The following MAGI1 variants were observed in gnomAD, a reference collection of about 807,000 sequenced individuals.
The protein encoded by MAGI1 is membrane-associated guanylate kinase, WW and PDZ domain-containing protein 1.
In MAGI1, 58 loss-of-function variants were observed where a neutral mutation model predicts 139.9. The observed-to-expected ratio is 0.41, with a 90% CI of 0.34 to 0.52. The LOEUF (loss-of-function observed/expected upper bound fraction) is 0.52, where lower values mean the gene tolerates loss of function less well. Among genes scored for constraint, MAGI1 ranks in the 20% least tolerant of loss-of-function variants. The pLI is 0.12. For synonymous variants in MAGI1, 812 were observed against 737.9 expected, an observed-to-expected ratio of 1.10 and a Z score of -1.63; for missense variants, 1,874 against 1,901.6, an observed-to-expected ratio of 0.99 and a Z score of 0.27.
chr3:65,468,987 A>AAATAAATG (rs1417371368), intron 5 of MAGI1, among the ~76,000 whole-genome samples: 1 of 151,292 alleles, frequency 6.6e-6, no homozygotes, highest in Non-Finnish European at 1.5e-5. Flanking sequence ...ATAAATAAAT[A>AAATAAATG]AATGTGTGTA....
chr3:65,683,384 C>G (rs926843136), intron 1 of MAGI1, among the ~76,000 whole-genome samples: 9 of 151,606 alleles, frequency 5.9e-5, no homozygotes, highest in Admixed American at 4.6e-4. Flanking sequence ...AGGCTGTGCA[C>G]GTACAGGGGT....
At chr3:65,808,103 C>T (rs558955995) in intron 1 of MAGI1, among the ~76,000 whole-genome samples, 2 of 151,968 alleles carry the variant, frequency 1.3e-5, no homozygotes, top group South Asian at 2.1e-4. Flanking sequence ...CTCCAGCCTC[C>T]GCCTCCCGAG....
At chr3:65,594,791 TG>T (rs774754876) in intron 2 of MAGI1, among the ~76,000 whole-genome samples, 2 of 152,258 alleles carry the variant, frequency 1.3e-5, no homozygotes, top group African/African-American at 2.4e-5. Flanking sequence ...AGTATTCTGA[TG>T]GGGGGGTGTC....
Position 65,430,140 on chromosome 3 carries a change from C to T in MAGI1, c.1547G>A (p.Gly516Glu). Reference protein sequence around the residue: ...PAALDGKMETGDVIVSVNDTC... With the variant: ...PAALDGKMETEDVIVSVNDTC... Reference sequence around the variant, plus strand: ...GTCATTCACACTTACAATCACATCCCCTGTAGAAGGCAAGAGTGTGGGGGT... The same window carrying T: ...GTCATTCACACTTACAATCACATCCTCTGTAGAAGGCAAGAGTGTGGGGGT... The change falls in exon 12 of 23, where the codon GGG becomes GAG. Residue 516 changes from glycine to glutamate, a missense_variant and splice_region_variant. Coordinates refer to ENST00000402939, the MANE Select transcript of MAGI1 (RefSeq NM_001033057.2). 1 of 1,610,602 alleles carries T rather than the reference C, an allele frequency of 6.2e-7. No individual in the cohort carries two copies. Among genetic ancestry groups the T allele is most frequent in the Non-Finnish European group, 8.5e-7 (1 of 1,177,210 alleles).
At chr3:65,410,372 A>C (rs1211554663) in intron 12 of MAGI1, among the ~76,000 whole-genome samples, 1 of 152,204 alleles carries the variant, frequency 6.6e-6, no homozygotes, top group African/African-American at 2.4e-5. Flanking sequence ...CAAGACACTG[A>C]TGGTCAAGTA....
At chr3:65,766,617 C>T (rs904047448) in intron 1 of MAGI1, among the ~76,000 whole-genome samples, 6 of 150,920 alleles carry the variant, frequency 4.0e-5, no homozygotes, top group African/African-American at 9.7e-5. Flanking sequence ...AGGCTGGGTG[C>T]GGTGGCTCAC....
intron 5 of MAGI1, among the ~76,000 whole-genome samples, chr3:65,455,841 C>T (rs1293744871): frequency 1.3e-5 from 2 of 152,192 alleles, no homozygotes; most frequent in African/African-American, 2.4e-5. Context: ...TAATTCTCAT[C>T]AAGATTGTTG....
At chr3:65,784,858 A>C (rs1382616940) in intron 1 of MAGI1, among the ~76,000 whole-genome samples, 1 of 152,250 alleles carries the variant, frequency 6.6e-6, no homozygotes, top group Non-Finnish European at 1.5e-5. Flanking sequence ...AGCACATCAC[A>C]AAAGACCACA....
At chr3:65,743,104 G>C (rs982697235) in intron 1 of MAGI1, among the ~76,000 whole-genome samples, 19 of 151,978 alleles carry the variant, frequency 1.3e-4, no homozygotes, top group East Asian at 9.6e-4. Context: ...GATACGTCTA[G>C]GCATACAAAG....
At chr3:65,917,355 G>A (rs901858279) in intron 1 of MAGI1, among the ~76,000 whole-genome samples, 4 of 152,208 alleles carry the variant, frequency 2.6e-5, no homozygotes, top group Admixed American at 2.0e-4. Context: ...TGGTGGGAAT[G>A]CAAAATTATA....
chr3:65,858,646 A>G (rs1469043295), intron 1 of MAGI1, among the ~76,000 whole-genome samples: 1 of 152,208 alleles, frequency 6.6e-6, no homozygotes, highest in Non-Finnish European at 1.5e-5. Context: ...GGAGAAGAGG[A>G]AAGGAGGAGG....
At chr3:65,376,107 G>A (rs2106852041) in intron 17 of MAGI1, among the ~76,000 whole-genome samples, 162 bp from the exon 18 acceptor site, 1 of 152,270 alleles carries the variant, frequency 6.6e-6, no homozygotes, top group African/African-American at 2.4e-5. Flanking sequence ...TCAAAACATT[G>A]GCAATACTCA....
intron 1 of MAGI1, among the ~76,000 whole-genome samples, chr3:65,947,982 C>T (rs1576206207): frequency 1.4e-5 from 2 of 144,942 alleles, no homozygotes; most frequent in South Asian, 4.5e-4. Context: ...CACTCTGTCA[C>T]CCAGGCTAGA....
In MAGI1 at chr3:65,962,368, G is replaced by C. The variant is rs1231691975; in HGVS notation, c.313+75628C>G. ...GATCTCCTGATCTCGTGATCCACCC[G>C]CCTCGGCCTCCCAAAGTGCTAGGAT... is the stretch of plus-strand genomic sequence containing the variant. On this transcript the variant is annotated intron_variant, in intron 1 of 22. Transcript: ENST00000402939. Among the ~76,000 whole-genome samples the C allele has an allele frequency of 2.7e-5, 4 of 150,350 alleles. No individual in the cohort carries two copies. In the East Asian group the frequency reaches 8.2e-4, roughly 31 times the overall value.
Position 65,961,874 on chromosome 3 carries a change from T to C in MAGI1, c.313+76122A>G, listed in dbSNP as rs77238106. On this transcript the variant is annotated intron_variant, in intron 1 of 22. Coordinates refer to ENST00000402939, the MANE Select transcript of MAGI1 (RefSeq NM_001033057.2). ...CCAGATAAACATCATGAATGTTCCA[T>C]TGTGCTGAGAAGAAAGAAGTTTACA... Among the ~76,000 whole-genome samples, 329 of 152,310 alleles carry C rather than the reference T, an allele frequency of 2.2e-3. 4 individuals are homozygous for C. Among genetic ancestry groups the C allele is most frequent in the Admixed American group, 0.017 (264 of 15,304 alleles).
intron 1 of MAGI1, among the ~76,000 whole-genome samples, chr3:65,968,739 T>G (rs917794437): frequency 3.9e-5 from 6 of 152,052 alleles, no homozygotes; most frequent in African/African-American, 1.4e-4. Context: ...CCTTTTTTAT[T>G]ATGATTGAAT....
At chr3:65,908,869 C>T (rs1403627613) in intron 1 of MAGI1, among the ~76,000 whole-genome samples, 2 of 152,184 alleles carry the variant, frequency 1.3e-5, no homozygotes, top group Non-Finnish European at 2.9e-5. Context: ...TTTCAATCTG[C>T]AACACAGTGG....
At chr3:65,798,407 A>C (rs1211009540) in intron 1 of MAGI1, among the ~76,000 whole-genome samples, 1 of 152,136 alleles carries the variant, frequency 6.6e-6, no homozygotes, top group Admixed American at 6.6e-5. Flanking sequence ...GGGAAACATA[A>C]GTCATCAGGA....
intron 1 of MAGI1, among the ~76,000 whole-genome samples, chr3:65,849,486 T>TATATATA (rs1559940826): frequency 2.2e-5 from 3 of 138,630 alleles, no homozygotes; most frequent in African/African-American, 8.3e-5. Context: ...TATATATATA[T>TATATATA]CATCAAATAT....
Sources: allele counts gnomAD v4.1 joint callset (sites outside exome capture counted in the v4.1 genomes callset), GRCh38; gene constraint gnomAD v4.1.1; transcripts MANE v1.5; gene names NCBI Gene and HGNC (gene_info 2026-07-23, HGNC 2026-07-21).